Variants in HTT observed in about 807,000 individuals in gnomAD.
HTT encodes the protein huntington disease protein.
A neutral mutation model predicts 362.3 loss-of-function variants in HTT; 104 were observed. That is an observed-to-expected ratio of 0.29 (90% CI 0.24 to 0.34). The LOEUF (loss-of-function observed/expected upper bound fraction) is 0.34, where lower values mean the gene tolerates loss of function less well. HTT is among the 10% of genes least tolerant of loss of function. HTT has a pLI of 1.00. For missense variants in HTT, 3,301 were observed against 3,928.6 expected (o/e 0.84, Z 4.27); for synonymous variants, 1,577 against 1,548.7 (o/e 1.02, Z -0.43).
chr4:3,203,996 G>T lies in HTT; in HGVS notation c.5577-11G>T. On this transcript the variant is annotated splice_polypyrimidine_tract_variant and intron_variant, in intron 41 of 66. Coordinates refer to ENST00000355072, the MANE Select transcript of HTT (RefSeq NM_001388492.1). ...CAGAAACATTGTCAATGCATCTGTT[G>T]CTCCTTCTAGAAGACACAGTCTGTC... 1.2e-6 allele frequency: 2 copies of T among 1,613,292 alleles called. No homozygotes were observed. The highest frequency in any genetic ancestry group is 1.7e-6 in the Non-Finnish European group (2 of 1,179,320).
chr4:3,165,865 A>C (rs1717676399), intron 29 of HTT, among the ~76,000 whole-genome samples: 1 of 151,956 alleles, frequency 6.6e-6, no homozygotes, highest in South Asian at 2.1e-4. Context: ...ATGCTCCTTT[A>C]GCTCGGAGAA....
At chr4:3,190,420 T>A (rs1470677593) in intron 40 of HTT, among the ~76,000 whole-genome samples, 6 of 151,438 alleles carry the variant, frequency 4.0e-5, no homozygotes. Flanking sequence ...GCCAAGATGT[T>A]TTTGTTACTT....
At chr4:3,200,684 G>A (rs1192675834) in intron 41 of HTT, among the ~76,000 whole-genome samples, 1 of 152,170 alleles carries the variant, frequency 6.6e-6, no homozygotes, top group Non-Finnish European at 1.5e-5. Flanking sequence ...GCTCCCAGTA[G>A]GGCCAGTTCA....
chr4:3,186,094 G>A (rs1718744636), intron 37 of HTT, among the ~76,000 whole-genome samples: 1 of 152,160 alleles, frequency 6.6e-6, no homozygotes, highest in East Asian at 1.9e-4. Flanking sequence ...TGTGGGTGAG[G>A]GGGCAAGGAT....
At chr4:3,176,025 G>GTTTTTTTTTTTTTTTTTTTTTTTTTTT (rs777646822) in intron 33 of HTT, among the ~76,000 whole-genome samples, 2 of 139,128 alleles carry the variant, frequency 1.4e-5, no homozygotes, top group African/African-American at 3.0e-5. Flanking sequence ...GTTGTTGTTT[G>GTTTTTTTTTTTTTTTTTTTTTTTTTTT]TTTTTTTTTG....
chr4:3,136,388 G>A lies in HTT; in HGVS notation c.2798+62G>A, dbSNP rs886920414. 4 of 795,424 alleles carry A rather than the reference G, an allele frequency of 5.0e-6. No homozygotes were observed. The African/African-American group carries it at 6.9e-5, about 14-fold the overall frequency. The allele number at this position is 795,424 out of a possible 1,614,324, so 49.3% of individuals were successfully genotyped here. A position where few individuals can be genotyped will look rare whatever the true frequency, so the allele number is the denominator to read the frequency against. On this transcript the variant is annotated intron_variant, in intron 21 of 66. Transcript: ENST00000355072. ...TTGAAGTACTAAAAGATACGAGAAT[G>A]GAAAGAGAGGGAAGAATTCAAAGGA... is the stretch of plus-strand genomic sequence containing the variant.
chr4:3,237,754 G>A (rs1209965463), intron 64 of HTT, among the ~76,000 whole-genome samples: 2 of 152,236 alleles, frequency 1.3e-5, no homozygotes, highest in Non-Finnish European at 2.9e-5. Flanking sequence ...AGTTACACAC[G>A]GCTGGCATGT....
intron 13 of HTT, 57 bp downstream of exon 13, chr4:3,130,104 T>C: frequency 6.7e-7 from 1 of 1,497,178 alleles, no homozygotes; most frequent in Non-Finnish European, 9.0e-7. Context: ...CCTGGACATC[T>C]TAATTATATC....
intron 4 of HTT, among the ~76,000 whole-genome samples, chr4:3,104,537 G>T (rs1258331914): frequency 6.6e-6 from 1 of 151,962 alleles, no homozygotes; most frequent in Non-Finnish European, 1.5e-5. Context: ...TGAACCTGGG[G>T]GTGGAGGTTG....
intron 29 of HTT, among the ~76,000 whole-genome samples, chr4:3,165,855 A>G (rs1169825619): frequency 2.6e-5 from 4 of 152,066 alleles, no homozygotes; most frequent in Non-Finnish European, 4.4e-5. Flanking sequence ...GGGTTAGAAC[A>G]TGCTCCTTTA....
chr4:3,196,551 A>G (rs1255601410), intron 40 of HTT, among the ~76,000 whole-genome samples: 1 of 152,168 alleles, frequency 6.6e-6, no homozygotes, highest in East Asian at 1.9e-4. Context: ...TAGCCTGAGC[A>G]ACATGTTGAA....
At chr4:3,129,865 G>C in intron 12 of HTT, 59 bp from the exon 13 acceptor site, 1 of 1,608,578 alleles carries the variant, frequency 6.2e-7, no homozygotes, top group Non-Finnish European at 8.5e-7. Context: ...CCATGTTGGA[G>C]GGCTTGTCTC....
chr4:3,156,973 C>A, intron 27 of HTT, 99 bp from the exon 28 acceptor site: 1 of 965,040 alleles, frequency 1.0e-6, no homozygotes, highest in Admixed American at 2.7e-5. Context: ...TATTTTCATA[C>A]TAGAATACTT....
intron 1 of HTT, among the ~76,000 whole-genome samples, chr4:3,077,453 A>G (rs1448307379): frequency 1.3e-5 from 2 of 152,068 alleles, no homozygotes; most frequent in Non-Finnish European, 2.9e-5. Flanking sequence ...GTAGTCTCAC[A>G]TTGTCACCCA....
intron 64 of HTT, among the ~76,000 whole-genome samples, chr4:3,237,785 C>T (rs1578619773): frequency 1.3e-5 from 2 of 152,044 alleles, no homozygotes; most frequent in Non-Finnish European, 2.9e-5. Context: ...GAGACGGGAA[C>T]GTGATGGTTG....
chr4:3,133,896 G>A (rs531112478), intron 18 of HTT, among the ~76,000 whole-genome samples: 1 of 152,272 alleles, frequency 6.6e-6, no homozygotes, highest in South Asian at 2.1e-4. Flanking sequence ...CTAGCTGGGG[G>A]TCTTTGTGTC....
chr4:3,238,864 A>G lies in HTT; in HGVS notation c.9101A>G (p.Asp3034Gly). The change falls in exon 66 of 67, where the codon GAC (aspartate) becomes GGC (glycine). Residue 3034 changes from aspartate to glycine, a missense_variant. By Grantham distance (94) the Asp-to-Gly change is moderately conservative. Around this residue, in one of 4 missense-constraint regions of HTT, gnomAD observed 753 missense variants for 1,021.3 expected, o/e 0.74. Coordinates refer to ENST00000355072, the MANE Select transcript of HTT (RefSeq NM_001388492.1). ...ACCGGGCAGTCGTCCATGGTCCGGGACTGGGTCATGCTGTCCCTCTCCAAC... is the reference window on the plus strand; with the variant it reads ...ACCGGGCAGTCGTCCATGGTCCGGGGCTGGGTCATGCTGTCCCTCTCCAAC... ...HSTGQSSMVR[D>G]WVMLSLSNFT... 1.2e-6 allele frequency: 2 copies of G among 1,612,548 alleles called. No individual in the cohort carries two copies. Among genetic ancestry groups the G allele is most frequent in the Non-Finnish European group, 1.7e-6 (2 of 1,179,898 alleles).
At chr4:3,197,166 A>C (rs1287536853) in intron 40 of HTT, among the ~76,000 whole-genome samples, 1 of 151,928 alleles carries the variant, frequency 6.6e-6, no homozygotes, top group Non-Finnish European at 1.5e-5. Flanking sequence ...GTTGCTGTCC[A>C]TGGTCTCTCG....
In HTT at chr4:3,240,099, C is replaced by T. The variant is rs1020313102; in HGVS notation, c.*40C>T. 1.7e-5 allele frequency: 26 copies of T among 1,517,304 alleles called. No homozygotes were observed. The highest frequency in any genetic ancestry group is 7.2e-5 in the South Asian group (6 of 83,552). 94.0% of individuals were successfully genotyped at this position (1,517,304 alleles called of 1,614,324 possible). On this transcript the variant is annotated 3_prime_UTR_variant, in exon 67 of 67. Coordinates refer to ENST00000355072, the MANE Select transcript of HTT (RefSeq NM_001388492.1). ...GAGACTGTGAGGCGGCAGCTGGGGC[C>T]GGAGCCTTTGGAAGTCTGCGCCCTT...
Sources: allele counts gnomAD v4.1 joint callset (sites outside exome capture counted in the v4.1 genomes callset), GRCh38; gene constraint gnomAD v4.1.1; regional missense constraint gnomAD v4.1.1; transcripts MANE v1.5; gene names NCBI Gene and HGNC (gene_info 2026-07-23, HGNC 2026-07-21).